Variants in PLEKHA7 observed in about 807,000 individuals in gnomAD.
The protein encoded by PLEKHA7 is pleckstrin homology domain containing A7.
PLEKHA7 carries 104 observed loss-of-function variants against 170.0 expected under a neutral mutation model. The observed-to-expected ratio is 0.61, with a 90% CI of 0.52 to 0.72. PLEKHA7 has a LOEUF of 0.72. PLEKHA7 is among the 30% of genes least tolerant of loss of function. The pLI is 0.00. For synonymous variants in PLEKHA7, 648 were observed against 660.8 expected (o/e 0.98, Z 0.30); for missense variants, 1,615 against 1,671.7 (o/e 0.97, Z 0.59).
At chr11:16,924,926 G>C (rs1055943058) in intron 3 of PLEKHA7, among the ~76,000 whole-genome samples, 34 of 152,314 alleles carry the variant, frequency 2.2e-4, no homozygotes, top group South Asian at 1.5e-3. Flanking sequence ...GGCTGGGACG[G>C]GCGCCTGGAA....
intron 4 of PLEKHA7, among the ~76,000 whole-genome samples, chr11:16,863,829 C>G (rs999881439): frequency 3.3e-5 from 5 of 152,108 alleles, no homozygotes; most frequent in African/African-American, 1.2e-4. Context: ...TGGCTTCAAG[C>G]TCACAATTCA....
At chr11:16,965,434 G>A (rs1446961347) in intron 3 of PLEKHA7, among the ~76,000 whole-genome samples, 1 of 152,130 alleles carries the variant, frequency 6.6e-6, no homozygotes, top group Non-Finnish European at 1.5e-5. Context: ...AAGATATCTG[G>A]GGGAAATAAC....
chr11:16,915,809 G>A (rs928847373), intron 3 of PLEKHA7, among the ~76,000 whole-genome samples: 52 of 148,896 alleles, frequency 3.5e-4, no homozygotes, highest in African/African-American at 1.2e-3. Flanking sequence ...TGTGAATAAT[G>A]CCGCAATAAA....
chr11:16,803,191 C>T (rs1397193977), intron 14 of PLEKHA7, 36 bp downstream of exon 14: 1 of 1,599,808 alleles, frequency 6.3e-7, no homozygotes, highest in Non-Finnish European at 8.6e-7. Context: ...GGTCAGGAGG[C>T]AGCTGAGGGG....
intron 13 of PLEKHA7, chr11:16,803,504 A>G: frequency 1.8e-6 from 1 of 565,082 alleles, no homozygotes; most frequent in Non-Finnish European, 3.2e-6. Flanking sequence ...TGATGATTCT[A>G]GTAATGCTGG....
intron 3 of PLEKHA7, among the ~76,000 whole-genome samples, chr11:16,934,945 T>C (rs899729296): frequency 1.3e-5 from 2 of 152,226 alleles, no homozygotes; most frequent in African/African-American, 4.8e-5. Flanking sequence ...TGTCCCTAAT[T>C]GCCTAAACAA....
intron 26 of PLEKHA7, among the ~76,000 whole-genome samples, chr11:16,782,158 C>G (rs187227962): frequency 7.1e-6 from 1 of 140,366 alleles, no homozygotes; most frequent in Admixed American, 7.7e-5. Context: ...TTGAGACACA[C>G]GGACACACAC....
chr11:16,782,669 G>A, intron 26 of PLEKHA7, 85 bp downstream of exon 26: 1 of 1,479,326 alleles, frequency 6.8e-7, no homozygotes, highest in South Asian at 1.3e-5. Flanking sequence ...GTTTTCCACT[G>A]GCTCTGGAAC....
chr11:16,925,788 C>CGGACCCCAGCGGTCCAGAG (rs1859482021), intron 3 of PLEKHA7, among the ~76,000 whole-genome samples: 1 of 152,252 alleles, frequency 6.6e-6, no homozygotes, highest in Admixed American at 6.5e-5. Flanking sequence ...CAGCGCCAGA[C>CGGACCCCAGCGGTCCAGAG]AGCGGACCCC....
intron 8 of PLEKHA7, among the ~76,000 whole-genome samples, chr11:16,849,012 C>G (rs900280088): frequency 5.3e-5 from 8 of 152,194 alleles, no homozygotes; most frequent in Non-Finnish European, 7.3e-5. Context: ...AAAGATAACT[C>G]TTTCAGACTC....
chr11:17,006,189 G>A (rs1864976974), intron 3 of PLEKHA7, among the ~76,000 whole-genome samples: 1 of 148,674 alleles, frequency 6.7e-6, no homozygotes, highest in Admixed American at 6.7e-5. Context: ...TGACCAACAT[G>A]TGAAACCCCG....
At chr11:16,994,269 G>A (rs185202673) in intron 3 of PLEKHA7, among the ~76,000 whole-genome samples, 3 of 152,336 alleles carry the variant, frequency 2.0e-5, no homozygotes, top group Non-Finnish European at 2.9e-5. Flanking sequence ...CCCCTTAGGA[G>A]GCCCTGGTGT....
chr11:16,923,103 G>C (rs563382460), intron 3 of PLEKHA7, among the ~76,000 whole-genome samples: 93 of 152,120 alleles, frequency 6.1e-4, no homozygotes, highest in African/African-American at 2.2e-3. Flanking sequence ...CACTCTCAGT[G>C]CCCTAGGGAC....
Position 17,002,989 on chromosome 11 carries a change from C to CTTTTTTTTT in PLEKHA7, c.221+10991_221+10999dup, listed in dbSNP as rs568718448. ...CCTTTAAGTACCAGAATAGTTGTGC[C>CTTTTTTTTT]TTTTTTTTTTTTTTTTTTTTGTGAT... On this transcript the variant is annotated intron_variant, in intron 3 of 26. Transcript: ENST00000531066. Among the ~76,000 whole-genome samples, 10 of 113,018 alleles carry CTTTTTTTTT rather than the reference C, an allele frequency of 8.8e-5. 2 individuals carry two copies. The highest frequency in any genetic ancestry group is 1.1e-4 in the Non-Finnish European group (6 of 56,158). The allele number at this position is 113,018 out of a possible 152,430, so 74.1% of individuals were successfully genotyped here. A position where few individuals can be genotyped will look rare whatever the true frequency, so the allele number is the denominator to read the frequency against.
chr11:16,941,456 C>T (rs1860687970), intron 3 of PLEKHA7, among the ~76,000 whole-genome samples: 2 of 152,216 alleles, frequency 1.3e-5, no homozygotes, highest in Admixed American at 1.3e-4. Flanking sequence ...ACAGGAGAAT[C>T]TGGTTCAATT....
At chr11:16,865,593 G>GGGCAACTGCTACTCGGGA (rs11268016) in intron 4 of PLEKHA7, among the ~76,000 whole-genome samples, 13 of 151,466 alleles carry the variant, frequency 8.6e-5, no homozygotes, top group African/African-American at 3.1e-4. Flanking sequence ...GTGTGATGGT[G>GGGCAACTGCTACTCGGGA]GGCTGAGGCA....
At position 16,826,402 on chromosome 11, in the gene PLEKHA7, C is replaced by T. The variant is rs780725402; in HGVS notation, c.1061G>A (p.Gly354Asp). 6.2e-7 allele frequency: 1 copy of T among 1,614,240 alleles called. No individual in the cohort carries two copies. The highest frequency in any genetic ancestry group is 8.5e-7 in the Non-Finnish European group (1 of 1,180,052). The change falls in exon 10 of 27, where the codon GGC becomes GAC. Residue 354 changes from glycine (G) to aspartate (D), a missense_variant. By Grantham distance (94) the Gly-to-Asp change is moderately conservative. Transcript: ENST00000531066. The stretch of plus-strand genomic sequence containing the variant: ...CCTGGCCTTGCTCCGGTCCCGCTTG[C>T]CCTCCAGTGGGTCCCTCTGGGAACG... Reference protein sequence around the residue: ...QYRSQRDPLEGKRDRSKARSP... With the variant: ...QYRSQRDPLEDKRDRSKARSP...
At chr11:16,876,073 T>C (rs1000765168) in intron 3 of PLEKHA7, among the ~76,000 whole-genome samples, 5 of 152,160 alleles carry the variant, frequency 3.3e-5, no homozygotes, top group Non-Finnish European at 7.3e-5. Context: ...CATTTGGAGA[T>C]TGCAAAGTCC....
chr11:16,873,933 C>T (rs427429), intron 3 of PLEKHA7, among the ~76,000 whole-genome samples: 1 of 152,104 alleles, frequency 6.6e-6, no homozygotes, highest in African/African-American at 2.4e-5. Flanking sequence ...TCCCAAAGTG[C>T]TGGGATTACA....
Sources: gnomAD v4.1 joint callset for allele counts (sites outside exome capture counted in the v4.1 genomes callset) on GRCh38, gnomAD v4.1.1 for gene constraint, MANE v1.5 for transcripts, NCBI Gene and HGNC (gene_info 2026-07-23, HGNC 2026-07-21) for gene names.